Variants in MPP4 observed in about 807,000 individuals in gnomAD.
MPP4 encodes MAGUK p55 subfamily member 4.
A neutral mutation model predicts 98.3 loss-of-function variants in MPP4; 91 were observed. The ratio of observed to expected loss-of-function variants is 0.93; its 90% confidence interval spans 0.78 to 1.10. The LOEUF (loss-of-function observed/expected upper bound fraction) is 1.10, where lower values mean the gene tolerates loss of function less well. Among genes scored for constraint, MPP4 ranks in the 50% least tolerant of loss-of-function variants. The probability of loss-of-function intolerance (pLI) is 0.00; values close to 1 mark genes in which losing one functional copy is unlikely to be tolerated. For synonymous variants in MPP4, 261 were observed against 271.8 expected (o/e 0.96, Z 0.39); for missense variants, 744 against 792.9 (o/e 0.94, Z 0.74).
At chr2:201,652,928 G>A (rs554440592) in intron 18 of MPP4, among the ~76,000 whole-genome samples, 121 of 152,232 alleles carry the variant, frequency 7.9e-4, no homozygotes, top group African/African-American at 2.6e-3. Flanking sequence ...CCTTAAATCC[G>A]GCTCTTTCTC....
At chr2:201,687,993 C>CA (rs1688889082) in intron 4 of MPP4, among the ~76,000 whole-genome samples, 1 of 152,220 alleles carries the variant, frequency 6.6e-6, no homozygotes, top group African/African-American at 2.4e-5. Flanking sequence ...AGCCCCATTA[C>CA]CTACAGTCAA....
At position 201,687,243 on chromosome 2, in the gene MPP4, G is replaced by A. The variant is rs771829622; in HGVS notation, c.360+48C>T. On this transcript the variant is annotated intron_variant, in intron 5 of 21. Transcript: ENST00000409474. ...ACATATATTTCTCCTTCCCAACTTT[G>A]TCTATGTGCCAGATGGGGACATCTT... The A allele has an allele frequency of 9.0e-6, 13 of 1,445,158 alleles. 1 individual carries two copies. In the South Asian group the frequency reaches 1.6e-4, roughly 18 times the overall value. The allele number at this position is 1,445,158 out of a possible 1,614,324, so 89.5% of individuals were successfully genotyped here. A position where few individuals can be genotyped will look rare whatever the true frequency, so the allele number is the denominator to read the frequency against.
At chr2:201,660,292 A>G (rs755969465) in intron 15 of MPP4, 40 bp downstream of exon 15, 7 of 1,556,212 alleles carry the variant, frequency 4.5e-6, no homozygotes, top group African/African-American at 1.4e-5. Context: ...GATCTTAAAC[A>G]TAGTTCTATT....
chr2:201,645,773 C>T (rs1687544542), intron 21 of MPP4, among the ~76,000 whole-genome samples: 1 of 152,112 alleles, frequency 6.6e-6, no homozygotes, highest in African/African-American at 2.4e-5. Flanking sequence ...ACCTAGGCCT[C>T]CCAAGTAGCT....
intron 21 of MPP4, among the ~76,000 whole-genome samples, chr2:201,646,170 AAC>A (rs1687554639): frequency 6.6e-6 from 1 of 152,180 alleles, no homozygotes; most frequent in South Asian, 2.1e-4. Context: ...CTCTTACCTA[AAC>A]ACTTGAAACT....
At chr2:201,657,778 T>A (rs1482798098) in intron 16 of MPP4, among the ~76,000 whole-genome samples, 1 of 151,710 alleles carries the variant, frequency 6.6e-6, no homozygotes, top group Non-Finnish European at 1.5e-5. Flanking sequence ...CCCTCTTGAT[T>A]TTACTCTGCC....
At chr2:201,692,879 C>G in intron 3 of MPP4, 29 bp downstream of exon 3, 2 of 1,599,896 alleles carry the variant, frequency 1.3e-6, no homozygotes, top group Non-Finnish European at 1.7e-6. Flanking sequence ...CTTCAGCAAG[C>G]AAAGGCTTCC....
intron 13 of MPP4, 194 bp downstream of exon 13, chr2:201,666,140 G>A: frequency 2.2e-6 from 1 of 455,382 alleles, no homozygotes; most frequent in Non-Finnish European, 3.9e-6. Context: ...TAGATCAGTG[G>A]GAACCTGGAG....
Position 201,645,217 on chromosome 2 carries a change from GACTC to G in MPP4, c.1903_1906del (p.Glu635LeufsTer12), listed in dbSNP as rs758118439. The G allele has an allele frequency of 9.3e-6, 15 of 1,611,440 alleles. No homozygotes were observed. In the South Asian group the frequency reaches 1.4e-4, roughly 15 times the overall value. Reference sequence around the variant, plus strand: ...AGCATTAAACAAGAAGTCTCATTGAGACTCAGTATCTGAGGAAATCCATGTTGCT... The same window carrying G: ...AGCATTAAACAAGAAGTCTCATTGAGAGTATCTGAGGAAATCCATGTTGCT... On this transcript the variant is annotated frameshift_variant, in exon 22 of 22. Coordinates refer to ENST00000409474, the MANE Select transcript of MPP4 (RefSeq NM_033066.3). LOFTEE classifies it high-confidence loss of function.
In MPP4 at chr2:201,685,978, T is replaced by C. The variant is rs905681987; in HGVS notation, c.433A>G (p.Ile145Val). The change falls in exon 6 of 22, where the codon ATC (isoleucine) becomes GTC (valine). Residue 145 changes from isoleucine to valine, a missense_variant. By Grantham distance (29) the Ile-to-Val change is conservative (BLOSUM62 3). Coordinates refer to ENST00000409474, the MANE Select transcript of MPP4 (RefSeq NM_033066.3). Reference protein sequence around the residue: ...EPLLPPLPDNIPESEEAMRIV... With the variant: ...EPLLPPLPDNVPESEEAMRIV... Reference sequence around the variant, plus strand: ...CTCATTGCTTCCTCACTCTCAGGGATATTGTCTGGCAGTGGAGGGAGAAGG... The same window carrying C: ...CTCATTGCTTCCTCACTCTCAGGGACATTGTCTGGCAGTGGAGGGAGAAGG... The C allele has an allele frequency of 1.9e-6, 3 of 1,612,970 alleles. No individual in the cohort carries two copies. The African/African-American group carries it at 4.0e-5, about 22-fold the overall frequency.
chr2:201,665,892 T>G (rs940279312), intron 13 of MPP4: 1 of 152,466 alleles, frequency 6.6e-6, no homozygotes, highest in South Asian at 2.1e-4. Flanking sequence ...AAAACTTTCA[T>G]GCATGTCTCA....
intron 1 of MPP4, chr2:201,698,148 A>AGTCG: frequency 3.8e-6 from 3 of 796,760 alleles, no homozygotes; most frequent in Non-Finnish European, 2.8e-6. Context: ...TTGTTTTAAA[A>AGTCG]GTATTTCCAT....
chr2:201,683,475 A>G (rs1163614890), intron 7 of MPP4, among the ~76,000 whole-genome samples: 1 of 152,210 alleles, frequency 6.6e-6, no homozygotes, highest in East Asian at 1.9e-4. Flanking sequence ...AGGGCCAGGC[A>G]TGGCGGCTAA....
intron 16 of MPP4, 71 bp from the exon 17 acceptor site, chr2:201,656,439 A>G (rs1687851714): frequency 7.3e-7 from 1 of 1,362,476 alleles, no homozygotes; most frequent in Non-Finnish European, 9.9e-7. Flanking sequence ...CACCTGATGA[A>G]ATATGTAGCA....
rs1987672 is a variant in MPP4, at chr2:201,684,823, G to A, written c.574+241C>T. 0.97 allele frequency among the ~76,000 whole-genome samples: 147,266 copies of A among 151,192 alleles called. 71,829 individuals carry two copies. The highest frequency in any genetic ancestry group is 1 in the Middle Eastern group (290 of 290). ...AAATTAGCCGGGCGTGGTGGCGGGC[G>A]CCTGTAATCCCAGCTACTTGGGAGG... On this transcript the variant is annotated intron_variant, in intron 7 of 21. Coordinates refer to ENST00000409474, the MANE Select transcript of MPP4 (RefSeq NM_033066.3).
chr2:201,676,753 A>T (rs1350518699), intron 10 of MPP4, among the ~76,000 whole-genome samples: 2 of 152,164 alleles, frequency 1.3e-5, no homozygotes, highest in Non-Finnish European at 2.9e-5. Flanking sequence ...TACAAAAATT[A>T]GTTGGACGTG....
intron 1 of MPP4, among the ~76,000 whole-genome samples, chr2:201,696,024 G>A (rs1689170600): frequency 6.6e-6 from 1 of 152,204 alleles, no homozygotes; most frequent in African/African-American, 2.4e-5. Context: ...GTGGGTTGAA[G>A]CCAGGAAGGC....
Position 201,651,734 on chromosome 2 carries a change from A to G in MPP4, c.1382-1569T>C, listed in dbSNP as rs1355539033. 3.9e-6 allele frequency: 3 copies of G among 762,478 alleles called. No individual in the cohort carries two copies. The East Asian group carries it at 3.8e-4, about 98-fold the overall frequency. The allele number at this position is 762,478 out of a possible 1,614,324, so 47.2% of individuals were successfully genotyped here. The stretch of plus-strand genomic sequence containing the variant: ...TTTGGGAGGCCAAGGCGGGTGGATC[A>G]CCTGGGGTCAGGAGTACAAGACCAG... On this transcript the variant is annotated intron_variant, in intron 18 of 21. Coordinates refer to ENST00000409474, the MANE Select transcript of MPP4 (RefSeq NM_033066.3).
intron 21 of MPP4, among the ~76,000 whole-genome samples, chr2:201,646,509 G>C (rs1298698302): frequency 6.6e-6 from 1 of 152,090 alleles, no homozygotes; most frequent in Non-Finnish European, 1.5e-5. Context: ...GCTTTACAAA[G>C]TGACCATACA....
Sources: gnomAD v4.1 joint callset for allele counts (sites outside exome capture counted in the v4.1 genomes callset) on GRCh38, gnomAD v4.1.1 for gene constraint, MANE v1.5 for transcripts, NCBI Gene and HGNC (gene_info 2026-07-23, HGNC 2026-07-21) for gene names.